The following COL22A1 variants were observed in gnomAD, a reference collection of about 807,000 sequenced individuals.
COL22A1 encodes the protein collagen type XXII alpha 1 chain, also known as collagen alpha-1(XXII) chain.
A neutral mutation model predicts 248.9 loss-of-function variants in COL22A1; 221 were observed. The ratio of observed to expected loss-of-function variants is 0.89; its 90% CI spans 0.80 to 0.99. The LOEUF (loss-of-function observed/expected upper bound fraction) is 0.99. Ranked by LOEUF, COL22A1 falls within the 50% of genes least tolerant of loss-of-function variation. COL22A1 has a pLI of 0.00. For synonymous variants in COL22A1, 891 were observed against 793.4 expected (o/e 1.12, Z -2.07); for missense variants, 2,240 against 2,179.0 (o/e 1.03, Z -0.56).
intron 3 of COL22A1, among the ~76,000 whole-genome samples, chr8:138,846,621 TGGTGG>T (rs1339038066): frequency 6.6e-6 from 1 of 151,954 alleles, no homozygotes; most frequent in Non-Finnish European, 1.5e-5. Context: ...TTCCTGGGGA[TGGTGG>T]GGTCCTCAGG....
At chr8:138,900,330 G>A (rs1814454696) in intron 1 of COL22A1, among the ~76,000 whole-genome samples, 1 of 152,142 alleles carries the variant, frequency 6.6e-6, no homozygotes, top group East Asian at 1.9e-4. Context: ...GCATCTATCC[G>A]GTCTTTGCCT....
chr8:138,797,847 G>T (rs1038441153), intron 11 of COL22A1, among the ~76,000 whole-genome samples: 59 of 152,058 alleles, frequency 3.9e-4, no homozygotes, highest in African/African-American at 1.3e-3. Context: ...CTGGGGTTTT[G>T]TTAGGTGCAT....
intron 41 of COL22A1, among the ~76,000 whole-genome samples, chr8:138,675,048 G>A (rs1825403232): frequency 6.6e-6 from 1 of 152,188 alleles, no homozygotes; most frequent in Admixed American, 6.5e-5. Context: ...ATTCCCAAGG[G>A]CATTCCACAC....
chr8:138,737,418 G>T, intron 23 of COL22A1, 106 bp downstream of exon 23: 1 of 795,082 alleles, frequency 1.3e-6, no homozygotes, highest in Non-Finnish European at 2.2e-6. Context: ...AGTTTGATGA[G>T]GTGACCAGCA....
intron 1 of COL22A1, among the ~76,000 whole-genome samples, chr8:138,887,496 G>C (rs1307278480): frequency 6.6e-6 from 1 of 152,162 alleles, no homozygotes; most frequent in Non-Finnish European, 1.5e-5. Flanking sequence ...GGGATTACAG[G>C]CGTGAGCCAC....
chr8:138,717,431 G>A (rs1829530016), intron 27 of COL22A1, among the ~76,000 whole-genome samples: 1 of 152,152 alleles, frequency 6.6e-6, no homozygotes, highest in Non-Finnish European at 1.5e-5. Flanking sequence ...ACAGGAGTGA[G>A]CCACTGCGCC....
intron 32 of COL22A1, among the ~76,000 whole-genome samples, chr8:138,695,948 C>T (rs1275060859): frequency 1.3e-5 from 2 of 152,090 alleles, no homozygotes; most frequent in African/African-American, 2.4e-5. Flanking sequence ...ACCCATACAG[C>T]CTGTCTTGGG....
intron 30 of COL22A1, among the ~76,000 whole-genome samples, chr8:138,706,740 G>C (rs1344214930): frequency 1.3e-5 from 2 of 152,136 alleles, no homozygotes; most frequent in African/African-American, 4.8e-5. Context: ...AGAGAAGCAA[G>C]AGCAAACACA....
chr8:138,735,557 C>T (rs960788636), intron 23 of COL22A1, among the ~76,000 whole-genome samples: 7 of 152,114 alleles, frequency 4.6e-5, no homozygotes, highest in Non-Finnish European at 7.3e-5. Flanking sequence ...ATAATTTGAT[C>T]GAGCTGCATT....
intron 8 of COL22A1, among the ~76,000 whole-genome samples, chr8:138,812,524 A>G (rs1818328873): frequency 6.6e-6 from 1 of 152,114 alleles, no homozygotes; most frequent in Non-Finnish European, 1.5e-5. Flanking sequence ...GCACAGAGGG[A>G]TTGAAGGGGC....
In COL22A1 at chr8:138,826,713, G is replaced by C; in HGVS notation, c.914C>G (p.Ser305Cys). ...CCAGATATACCAGTCTTCCTTCCGA[G>C]AGGTTTTCCTGAACCGGAAGGTTGT... ...FVTTFRFRKT[S>C]RKEDWYIWQV... is the part of the protein sequence containing the mutation. The change falls in exon 6 of 65, where the codon TCT becomes TGT. Residue 305 changes from serine (S) to cysteine (C), a missense_variant. Ser to Cys is a moderately radical substitution (Grantham distance 112). Transcript: ENST00000303045. The C allele has an allele frequency of 6.2e-7, 1 of 1,613,964 alleles. No individual in the cohort carries two copies. The highest frequency in any genetic ancestry group is 8.5e-7 in the Non-Finnish European group (1 of 1,179,898).
intron 5 of COL22A1, 37 bp downstream of exon 5, chr8:138,833,002 A>C (rs1586849702): frequency 1.4e-6 from 2 of 1,396,424 alleles, no homozygotes; most frequent in Non-Finnish European, 2.0e-6. Context: ...TTCCCATGAC[A>C]CCCTGGGCAG....
intron 3 of COL22A1, among the ~76,000 whole-genome samples, chr8:138,867,966 T>C (rs1296100738): frequency 1.3e-5 from 2 of 152,174 alleles, no homozygotes; most frequent in South Asian, 2.1e-4. Context: ...GGTTTCACCA[T>C]GTTGGTCAGG....
At chr8:138,772,525 G>A (rs974694921) in intron 16 of COL22A1, among the ~76,000 whole-genome samples, 8 of 152,136 alleles carry the variant, frequency 5.3e-5, no homozygotes, top group African/African-American at 1.4e-4. Context: ...ACCAATCTTC[G>A]TGGCTGGATG....
intron 11 of COL22A1, among the ~76,000 whole-genome samples, chr8:138,798,839 T>C (rs1461179709): frequency 6.6e-6 from 1 of 152,222 alleles, no homozygotes; most frequent in African/African-American, 2.4e-5. Flanking sequence ...TTTATCTTAA[T>C]TGGGGTTCAC....
chr8:138,781,888 A>G (rs1815046328), intron 12 of COL22A1, among the ~76,000 whole-genome samples: 1 of 152,210 alleles, frequency 6.6e-6, no homozygotes, highest in Non-Finnish European at 1.5e-5. Flanking sequence ...TGGGTATTCA[A>G]TGAACAAATG....
At chr8:138,660,266 C>T (rs1223764664) in intron 44 of COL22A1, among the ~76,000 whole-genome samples, 170 bp downstream of exon 44, 1 of 152,228 alleles carries the variant, frequency 6.6e-6, no homozygotes, top group Admixed American at 6.5e-5. Flanking sequence ...AACGACTTCC[C>T]ACTGTAGTTT....
chr8:138,784,034 C>T (rs1268924778), intron 12 of COL22A1, among the ~76,000 whole-genome samples: 1 of 152,182 alleles, frequency 6.6e-6, no homozygotes, highest in Non-Finnish European at 1.5e-5. Context: ...TGAACAAGGG[C>T]TGTTCATTCT....
chr8:138,903,775 C>A (rs1814794601), intron 1 of COL22A1, among the ~76,000 whole-genome samples: 1 of 152,228 alleles, frequency 6.6e-6, no homozygotes, highest in Non-Finnish European at 1.5e-5. Context: ...CCAGAATGAG[C>A]TGGCTTGGGC....
Sources: allele counts gnomAD v4.1 joint callset (sites outside exome capture counted in the v4.1 genomes callset), GRCh38; gene constraint gnomAD v4.1.1; transcripts MANE v1.5; gene names NCBI Gene and HGNC (gene_info 2026-07-23, HGNC 2026-07-21).